CACNA1B: variants seen among roughly 807,000 people sequenced by gnomAD.
CACNA1B encodes voltage-dependent N-type calcium channel subunit alpha-1B.
Under a neutral mutation model 247.2 loss-of-function variants are expected in CACNA1B, and 70 were observed. The ratio of observed to expected loss-of-function variants is 0.28; its 90% CI spans 0.23 to 0.35. CACNA1B has a LOEUF of 0.35. CACNA1B is among the 10% of genes least tolerant of loss of function. The probability of loss-of-function intolerance (pLI) is 1.00; values close to 1 mark genes in which losing one functional copy is unlikely to be tolerated. For synonymous variants in CACNA1B, 1,231 were observed against 1,294.4 expected (o/e 0.95, Z 1.05); for missense variants, 2,367 against 3,197.4 (o/e 0.74, Z 6.26).
intron 11 of CACNA1B, among the ~76,000 whole-genome samples, chr9:137,972,389 G>A (rs1366260291): frequency 6.6e-6 from 1 of 152,196 alleles, no homozygotes; most frequent in Admixed American, 6.5e-5. Flanking sequence ...TGGAGACAGG[G>A]CCTGTTTGGG....
intron 20 of CACNA1B, among the ~76,000 whole-genome samples, chr9:138,027,042 T>C (rs1958929636): frequency 1.3e-5 from 2 of 152,244 alleles, no homozygotes; most frequent in Admixed American, 1.3e-4. Context: ...TTTAATGTGC[T>C]TATTTGCCAT....
At chr9:138,118,360 T>G (rs1589138824) in intron 43 of CACNA1B, among the ~76,000 whole-genome samples, 2 of 62,308 alleles carry the variant, frequency 3.2e-5, no homozygotes, top group Non-Finnish European at 6.0e-5. Context: ...GTGGGGGACG[T>G]GTGAGACTGG....
intron 20 of CACNA1B, among the ~76,000 whole-genome samples, chr9:138,026,310 T>G (rs748288422): frequency 3.9e-5 from 6 of 152,188 alleles, no homozygotes; most frequent in Non-Finnish European, 5.9e-5. Flanking sequence ...TGGGCACAAG[T>G]GAGTCTGCCT....
intron 36 of CACNA1B, among the ~76,000 whole-genome samples, chr9:138,085,937 A>G (rs978208863): frequency 2.0e-5 from 3 of 151,326 alleles, no homozygotes; most frequent in Admixed American, 6.6e-5. Flanking sequence ...GATAATTACT[A>G]TCGTGAAAAC....
At chr9:137,953,678 G>A (rs1166217367) in intron 7 of CACNA1B, among the ~76,000 whole-genome samples, 1 of 152,176 alleles carries the variant, frequency 6.6e-6, no homozygotes, top group Non-Finnish European at 1.5e-5. Context: ...TGGGGGACTA[G>A]GAATGAGCCA....
chr9:137,937,344 C>G (rs549180895), intron 6 of CACNA1B, among the ~76,000 whole-genome samples: 8 of 152,064 alleles, frequency 5.3e-5, no homozygotes, highest in East Asian at 1.9e-4. Flanking sequence ...AACTTCAGAG[C>G]TCGAAGACAA....
chr9:137,983,862 C>T lies in CACNA1B; in HGVS notation c.1657-276C>T, dbSNP rs144805897. 4.5e-3 allele frequency among the ~76,000 whole-genome samples: 575 copies of T among 128,996 alleles called. 2 individuals carry two copies. Among genetic ancestry groups the T allele is most frequent in the Non-Finnish European group, 6.6e-3 (433 of 65,466 alleles). The allele number at this position is 128,996 out of a possible 152,430, so 84.6% of individuals were successfully genotyped here. A position where few individuals can be genotyped will look rare whatever the true frequency, so the allele number is the denominator to read the frequency against. On this transcript the variant is annotated intron_variant, in intron 12 of 46. Coordinates refer to ENST00000371372, the MANE Select transcript of CACNA1B (RefSeq NM_000718.4). ...CTGCCAGGAAGCCAGCAGGCCTAAC[C>T]TGGTCCATGTCCTGTGTCCTCCTGG...
chr9:138,005,330 G>C (rs1003840457), intron 15 of CACNA1B, among the ~76,000 whole-genome samples: 1 of 152,234 alleles, frequency 6.6e-6, no homozygotes, highest in Non-Finnish European at 1.5e-5. Flanking sequence ...GATGGAAGTG[G>C]ATGTCATTAA....
At position 137,975,841 on chromosome 9, in the gene CACNA1B, G is replaced by A. The variant is rs539011494; in HGVS notation, c.1544-66G>A. The A allele has an allele frequency of 4.2e-3, 4,016 of 960,356 alleles. 20 individuals carry two copies. The highest frequency in any genetic ancestry group is 5.2e-3 in the Non-Finnish European group (3,149 of 601,926). The allele number at this position is 960,356 out of a possible 1,614,324, so 59.5% of individuals were successfully genotyped here. On this transcript the variant is annotated intron_variant, in intron 11 of 46. Transcript: ENST00000371372. Reference sequence around the variant, plus strand: ...AGGCCCAGAGGTCTGGTGTCCTCCAGTCTGGGCTGGAGCCAGAGTGGGAGG... The same window carrying A: ...AGGCCCAGAGGTCTGGTGTCCTCCAATCTGGGCTGGAGCCAGAGTGGGAGG...
intron 31 of CACNA1B, among the ~76,000 whole-genome samples, chr9:138,062,377 C>T (rs1019155409): frequency 2.6e-5 from 4 of 152,108 alleles, no homozygotes; most frequent in East Asian, 1.9e-4. Context: ...GAAGTGATGG[C>T]GGGAGTGAGG....
rs996739524 is a variant in CACNA1B, at chr9:137,880,003, C to T, written c.390+844C>T. ...AGAGCAAGTGGGGGCCCAGGGGGTG[C>T]GGGGCCAGAGGCGTCCAGGAGACGG... On this transcript the variant is annotated intron_variant, in intron 2 of 46. Transcript: ENST00000371372. This position sits in a 1 kb window ranked among gnomAD's most constrained non-coding sequence, Gnocchi z 4.8. 2.0e-5 allele frequency among the ~76,000 whole-genome samples: 3 copies of T among 152,190 alleles called. No homozygotes were observed. The highest frequency in any genetic ancestry group is 4.8e-5 in the African/African-American group (2 of 41,446).
chr9:137,906,334 A>C (rs931699414), intron 3 of CACNA1B, among the ~76,000 whole-genome samples: 1 of 152,134 alleles, frequency 6.6e-6, no homozygotes, highest in African/African-American at 2.4e-5. Flanking sequence ...GGGAGACAGA[A>C]AAGCTATAAG....
At chr9:138,053,625 A>G (rs11137354) in intron 25 of CACNA1B, among the ~76,000 whole-genome samples, 3 of 34,188 alleles carry the variant, frequency 8.8e-5, no homozygotes, top group Middle Eastern at 0.043. Context: ...CACCCCTCTC[A>G]TCATGGCACC....
rs114802023 is a variant in CACNA1B, at chr9:138,060,866, G to A, written c.4668+1129G>A. 8.1e-3 allele frequency among the ~76,000 whole-genome samples: 1,228 copies of A among 152,194 alleles called. 18 individuals are homozygous for A. The highest frequency in any genetic ancestry group is 0.028 in the African/African-American group (1,160 of 41,530). On this transcript the variant is annotated intron_variant, in intron 31 of 46. Coordinates refer to ENST00000371372, the MANE Select transcript of CACNA1B (RefSeq NM_000718.4). ...AAGCAGAGCTGGTGTTCATCATCCC[G>A]TTCCCCCCACCCTTTCTAGAGCCCC...
rs369758510 is a variant in CACNA1B at position 138,120,298 on chromosome 9, G to A, written c.6164G>A (p.Arg2055His). 28 of 1,563,840 alleles carry A rather than the reference G, an allele frequency of 1.8e-5. No homozygotes were observed. The highest frequency in any genetic ancestry group is 4.7e-5 in the South Asian group (4 of 85,986). ...GCGTCGTCGCACCACCACCACCACC[G>A]CTGCCACCGCCGCAGGGACAGGAAG... ...SQASSHHHHHRCHRRRDRKQR... is the reference protein window; with the variant it reads ...SQASSHHHHHHCHRRRDRKQR... The change falls in exon 45 of 47, where the codon CGC becomes CAC. Residue 2055 changes from arginine (R) to histidine (H), a missense_variant. Physicochemically the swap from Arg to His is conservative, Grantham distance 29 (BLOSUM62 0). Coordinates refer to ENST00000371372, the MANE Select transcript of CACNA1B (RefSeq NM_000718.4).
At chr9:138,033,550 C>T (rs934421015) in intron 20 of CACNA1B, among the ~76,000 whole-genome samples, 1 of 152,160 alleles carries the variant, frequency 6.6e-6, no homozygotes, top group Non-Finnish European at 1.5e-5. Context: ...GATGCCACGC[C>T]AGCAAGTAGT....
chr9:138,046,430 C>T (rs1359576623), intron 21 of CACNA1B, among the ~76,000 whole-genome samples: 1 of 151,234 alleles, frequency 6.6e-6, no homozygotes, highest in East Asian at 1.9e-4. Context: ...GAGGCCTGCT[C>T]TCCGTGAGAA....
chr9:138,073,940 C>A lies in CACNA1B; in HGVS notation c.4792-61C>A. The A allele has an allele frequency of 1.5e-6, 2 of 1,363,882 alleles. No individual in the cohort carries two copies. The highest frequency in any genetic ancestry group is 1.0e-6 in the Non-Finnish European group (1 of 960,880). 84.5% of individuals were successfully genotyped at this position (1,363,882 alleles called of 1,614,324 possible). ...GACCTCAAAGGCCCAGCCACCGTAG[C>A]AGGAGGCCTGGGCGTGGTGGCTGGG... is the stretch of plus-strand genomic sequence containing the variant. On this transcript the variant is annotated intron_variant, in intron 33 of 46. Coordinates refer to ENST00000371372, the MANE Select transcript of CACNA1B (RefSeq NM_000718.4). This position sits in a 1 kb window ranked among gnomAD's most constrained non-coding sequence, Gnocchi z 6.4.
chr9:138,003,733 C>CT (rs1958610364), intron 15 of CACNA1B, among the ~76,000 whole-genome samples: 1 of 147,820 alleles, frequency 6.8e-6, no homozygotes, highest in Non-Finnish European at 1.5e-5. Context: ...CAGAAGAGAT[C>CT]TAAGGGCCCC....
Sources: allele counts gnomAD v4.1 joint callset (sites outside exome capture counted in the v4.1 genomes callset), GRCh38; gene constraint gnomAD v4.1.1; non-coding constraint Gnocchi (gnomAD v3.1); transcripts MANE v1.5; gene names NCBI Gene and HGNC (gene_info 2026-07-23, HGNC 2026-07-21).